The following RGS12 variants were observed in gnomAD, a reference collection of about 807,000 sequenced individuals.
RGS12 encodes regulator of G protein signaling 12, also known as regulator of G-protein signaling 12.
In RGS12, 66 loss-of-function variants were observed where a neutral mutation model predicts 120.1. That is an observed-to-expected ratio of 0.55 (90% CI 0.45 to 0.67). The LOEUF is 0.67. Among genes scored for constraint, RGS12 ranks in the 30% least tolerant of loss-of-function variants. The pLI is 0.00. For synonymous variants in RGS12, 827 were observed against 804.7 expected (o/e 1.03, Z -0.47); for missense variants, 1,859 against 1,957.7 (o/e 0.95, Z 0.95).
chr4:3,435,567 C>T (rs557893515), intron 17 of RGS12, among the ~76,000 whole-genome samples: 4 of 151,328 alleles, frequency 2.6e-5, no homozygotes, highest in South Asian at 4.2e-4. Context: ...TCCAGAGCCC[C>T]GTCTCCCCAG....
At chr4:3,362,235 G>A (rs1255377638) in intron 3 of RGS12, among the ~76,000 whole-genome samples, 3 of 152,180 alleles carry the variant, frequency 2.0e-5, no homozygotes, top group Non-Finnish European at 4.4e-5. Flanking sequence ...CCCTGCCCAA[G>A]CCAGGCAGGA....
intron 2 of RGS12, among the ~76,000 whole-genome samples, chr4:3,321,237 G>T (rs1246342450): frequency 6.6e-6 from 1 of 152,220 alleles, no homozygotes; most frequent in African/African-American, 2.4e-5. Context: ...AGAAAAGTGG[G>T]CGTGGGAGGC....
intron 4 of RGS12, among the ~76,000 whole-genome samples, chr4:3,405,690 A>G (rs1451606050): frequency 1.3e-5 from 2 of 152,198 alleles, no homozygotes; most frequent in Admixed American, 6.5e-5. Context: ...GCAAAGAGGC[A>G]TGCTGTCTCC....
chr4:3,327,214 A>G (rs1368239363), intron 2 of RGS12, among the ~76,000 whole-genome samples: 1 of 152,244 alleles, frequency 6.6e-6, no homozygotes, highest in Non-Finnish European at 1.5e-5. Flanking sequence ...CTTTTCAATA[A>G]ATGGTACTGG....
At chr4:3,406,597 G>A (rs1560152744) in intron 4 of RGS12, among the ~76,000 whole-genome samples, 2 of 152,238 alleles carry the variant, frequency 1.3e-5, no homozygotes, top group Non-Finnish European at 2.9e-5. Flanking sequence ...TAACTGCAGA[G>A]AGTGCAGTGT....
At chr4:3,409,163 G>A (rs1451077688) in intron 4 of RGS12, among the ~76,000 whole-genome samples, 1 of 152,120 alleles carries the variant, frequency 6.6e-6, no homozygotes, top group Non-Finnish European at 1.5e-5. Context: ...CTCTGTACCC[G>A]AGGCTGTGCT....
intron 1 of RGS12, among the ~76,000 whole-genome samples, chr4:3,308,725 C>G (rs1724115203): frequency 6.6e-6 from 1 of 152,264 alleles, no homozygotes; most frequent in African/African-American, 2.4e-5. Context: ...TCTCCCTGCT[C>G]AGGGCTTGGT....
intron 1 of RGS12, among the ~76,000 whole-genome samples, chr4:3,309,771 G>A (rs111904104): frequency 2.3e-4 from 33 of 143,768 alleles, no homozygotes; most frequent in Non-Finnish European, 1.2e-4. Context: ...TGGGACTCGG[G>A]AATGGCAGGT....
intron 1 of RGS12, among the ~76,000 whole-genome samples, chr4:3,294,032 C>T (rs1376785769): frequency 4.0e-5 from 1 of 25,060 alleles, no homozygotes; most frequent in South Asian, 1.9e-3. Flanking sequence ...CAGAGAGGAC[C>T]ACCTGGCCTC....
At chr4:3,406,741 C>T (rs941149426) in intron 4 of RGS12, among the ~76,000 whole-genome samples, 3 of 152,208 alleles carry the variant, frequency 2.0e-5, no homozygotes, top group African/African-American at 4.8e-5. Flanking sequence ...AGGCCCTGCT[C>T]GGCCTGGGGG....
chr4:3,435,868 G>A (rs1436438494), intron 17 of RGS12, among the ~76,000 whole-genome samples: 1 of 152,166 alleles, frequency 6.6e-6, no homozygotes, highest in Non-Finnish European at 1.5e-5. Flanking sequence ...GGCCACCTGT[G>A]CCCATCTCAG....
At chr4:3,370,514 C>G (rs898065153) in intron 3 of RGS12, among the ~76,000 whole-genome samples, 36 of 152,236 alleles carry the variant, frequency 2.4e-4, no homozygotes, top group Admixed American at 1.2e-3. Flanking sequence ...GCTCTGGGAC[C>G]GCAGCACGTC....
chr4:3,357,211 A>G (rs754217715), intron 3 of RGS12, among the ~76,000 whole-genome samples: 16 of 152,046 alleles, frequency 1.1e-4, no homozygotes, highest in Admixed American at 3.3e-4. Flanking sequence ...TCCTTTGCCC[A>G]TTTTTTAATT....
chr4:3,339,064 C>T (rs768115051), intron 2 of RGS12, among the ~76,000 whole-genome samples: 2 of 152,126 alleles, frequency 1.3e-5, no homozygotes, highest in Non-Finnish European at 2.9e-5. Context: ...TAGACTTTTC[C>T]TTTCTCCTTT....
intron 3 of RGS12, among the ~76,000 whole-genome samples, chr4:3,362,773 G>T (rs1421647176): frequency 2.7e-5 from 4 of 146,812 alleles, no homozygotes; most frequent in African/African-American, 1.0e-4. Context: ...GAGGGTGTGA[G>T]TTAGGGTGTG....
intron 1 of RGS12, among the ~76,000 whole-genome samples, chr4:3,309,274 A>G (rs1275632549): frequency 1.2e-5 from 1 of 82,164 alleles, no homozygotes; most frequent in African/African-American, 4.9e-5. Flanking sequence ...AACCGTGTTG[A>G]GGAGGAGCTG....
At chr4:3,295,263 C>T (rs969946109) in intron 1 of RGS12, among the ~76,000 whole-genome samples, 3 of 152,114 alleles carry the variant, frequency 2.0e-5, no homozygotes, top group Non-Finnish European at 2.9e-5. Flanking sequence ...TCAGCGCTTC[C>T]GGCTGATAGA....
In RGS12 at chr4:3,433,398, GC is replaced by G. The variant is rs1724520863; in HGVS notation, c.4114+2444del. ...TTGAGGTAGGGGGAGTCTCCACAGA[GC>G]TGTGCCACACCACTTTGCCCTTCCA... On this transcript the variant is annotated intron_variant, in intron 17 of 17. Transcript: ENST00000336727. This position sits in a 1 kb window ranked among gnomAD's most constrained non-coding sequence, Gnocchi z 4.4. Among the ~76,000 whole-genome samples, 1 of 152,182 alleles carries G rather than the reference GC, an allele frequency of 6.6e-6. No homozygotes were observed. The highest frequency in any genetic ancestry group is 2.1e-4 in the South Asian group (1 of 4,838).
chr4:3,309,168 AG>A (rs1724153330), intron 1 of RGS12, among the ~76,000 whole-genome samples: 2 of 5,512 alleles, frequency 3.6e-4, no homozygotes, highest in Admixed American at 1.6e-3. Context: ...AACCGTGTTG[AG>A]GAGGAGCTGG....
Sources: allele counts gnomAD v4.1 joint callset (sites outside exome capture counted in the v4.1 genomes callset), GRCh38; gene constraint gnomAD v4.1.1; non-coding constraint Gnocchi (gnomAD v3.1); transcripts MANE v1.5; gene names NCBI Gene and HGNC (gene_info 2026-07-23, HGNC 2026-07-21).